Variants in NRXN1 observed in about 807,000 individuals in gnomAD.
NRXN1 encodes neurexin-1.
Under a neutral mutation model 150.9 loss-of-function variants are expected in NRXN1, and 39 were observed. The observed-to-expected ratio is 0.26, with a 90% CI of 0.20 to 0.34. The LOEUF is 0.34. Among genes scored for constraint, NRXN1 ranks in the 10% least tolerant of loss-of-function variants. The probability of loss-of-function intolerance (pLI) is 1.00; values close to 1 mark genes in which losing one functional copy is unlikely to be tolerated. For synonymous variants in NRXN1, 924 were observed against 757.0 expected (o/e 1.22, Z -3.62); for missense variants, 1,815 against 1,949.9 (o/e 0.93, Z 1.30).
intron 21 of NRXN1, among the ~76,000 whole-genome samples, chr2:50,029,620 A>G (rs1432076550): frequency 6.6e-6 from 1 of 152,126 alleles, no homozygotes; most frequent in African/African-American, 2.4e-5. Flanking sequence ...CAAGTCAAGC[A>G]AAGAGGTCTC....
At chr2:50,945,948 AT>A (rs1690308508) in intron 2 of NRXN1, among the ~76,000 whole-genome samples, 1 of 148,720 alleles carries the variant, frequency 6.7e-6, no homozygotes, top group Non-Finnish European at 1.5e-5. Flanking sequence ...TATTATTATT[AT>A]TATTATTATT....
At chr2:50,619,254 C>T (rs1679552936) in intron 8 of NRXN1, 1 of 152,176 alleles carries the variant, frequency 6.6e-6, no homozygotes, top group Non-Finnish European at 1.5e-5. Flanking sequence ...AGAGGAACCT[C>T]TGGTTCCAGT....
chr2:50,487,633 C>T (rs901941420), intron 15 of NRXN1, among the ~76,000 whole-genome samples: 20 of 152,164 alleles, frequency 1.3e-4, no homozygotes, highest in African/African-American at 4.8e-4. Context: ...CCATGTTGAC[C>T]CATGGCTCAA....
At chr2:50,015,866 G>C (rs1374985079) in intron 21 of NRXN1, among the ~76,000 whole-genome samples, 1 of 152,012 alleles carries the variant, frequency 6.6e-6, no homozygotes, top group African/African-American at 2.4e-5. Flanking sequence ...TCTATAAAAT[G>C]GGATAAAACT....
chr2:50,426,340 T>G (rs1049715834), intron 17 of NRXN1, among the ~76,000 whole-genome samples: 3 of 152,228 alleles, frequency 2.0e-5, no homozygotes, highest in African/African-American at 4.8e-5. Context: ...TAGATGACTT[T>G]TATTAATTAA....
intron 21 of NRXN1, among the ~76,000 whole-genome samples, chr2:49,992,428 C>G (rs1162789374): frequency 6.7e-6 from 1 of 148,710 alleles, no homozygotes; most frequent in Non-Finnish European, 1.5e-5. Context: ...AACAAAAAAC[C>G]AATTAGCCAG....
chr2:50,309,113 A>T lies in NRXN1; in HGVS notation c.3365-72143T>A, dbSNP rs141247014. Among the ~76,000 whole-genome samples the T allele has an allele frequency of 3.6e-3, 554 of 152,320 alleles. 4 individuals carry two copies. Among genetic ancestry groups the T allele is most frequent in the African/African-American group, 0.013 (536 of 41,576 alleles). Reference sequence around the variant, plus strand: ...TACTTTACAGCTGAGTATTTGATCCAAGGTTCTTTCCCATTTATAGATTTG... The same window carrying T: ...TACTTTACAGCTGAGTATTTGATCCTAGGTTCTTTCCCATTTATAGATTTG... On this transcript the variant is annotated intron_variant, in intron 17 of 22. Transcript: ENST00000401669.
intron 17 of NRXN1, among the ~76,000 whole-genome samples, chr2:50,464,179 T>C (rs2088562771): frequency 6.6e-6 from 1 of 151,836 alleles, no homozygotes; most frequent in Non-Finnish European, 1.5e-5. Context: ...GTATGATAGT[T>C]TGAATACATG....
rs187532187 is a variant in NRXN1 at position 50,998,718 on chromosome 2, T to C, written c.772+28784A>G. Among the ~76,000 whole-genome samples, 9 of 152,208 alleles carry C rather than the reference T, an allele frequency of 5.9e-5. No individual in the cohort carries two copies. In the East Asian group the frequency reaches 1.6e-3, roughly 26 times the overall value. On this transcript the variant is annotated intron_variant, in intron 2 of 22. Transcript: ENST00000401669. Reference sequence around the variant, plus strand: ...AAATGGTATTGATGACAGAAACATTTTAATCTTTTGTCAGTCAATTATTGA... The same window carrying C: ...AAATGGTATTGATGACAGAAACATTCTAATCTTTTGTCAGTCAATTATTGA...
intron 8 of NRXN1, among the ~76,000 whole-genome samples, chr2:50,564,326 T>C (rs1283233045): frequency 6.6e-6 from 1 of 152,168 alleles, no homozygotes; most frequent in Non-Finnish European, 1.5e-5. Flanking sequence ...AGATCTTAAA[T>C]GGGTAAGAGG....
At chr2:50,803,288 C>T (rs903878004) in intron 5 of NRXN1, among the ~76,000 whole-genome samples, 1 of 152,004 alleles carries the variant, frequency 6.6e-6, no homozygotes, top group Non-Finnish European at 1.5e-5. Context: ...ATCTGAGAAG[C>T]CTTTTCAGAA....
At position 50,380,379 on chromosome 2, in the gene NRXN1, A is replaced by G. The variant is rs375149437; in HGVS notation, c.3364+85063T>C. Among the ~76,000 whole-genome samples the G allele has an allele frequency of 7.2e-5, 11 of 152,112 alleles. No individual in the cohort carries two copies. In the East Asian group the frequency reaches 9.7e-4, roughly 13 times the overall value. On this transcript the variant is annotated intron_variant, in intron 17 of 22. Transcript: ENST00000401669. The stretch of plus-strand genomic sequence containing the variant: ...TATATAACATATCATGACTATCTTA[A>G]CTGTCAAAATGGTCCTAAGGTTTTG...
chr2:50,479,767 CTTTTTTTT>C (rs35301086), intron 15 of NRXN1, among the ~76,000 whole-genome samples: 1 of 79,866 alleles, frequency 1.3e-5, no homozygotes, highest in African/African-American at 5.1e-5. Context: ...ATTTCTTTTT[CTTTTTTTT>C]TTTTTTTTTT....
At chr2:50,265,973 T>C (rs1269585927) in intron 17 of NRXN1, among the ~76,000 whole-genome samples, 2 of 93,278 alleles carry the variant, frequency 2.1e-5, no homozygotes, top group African/African-American at 5.2e-5. Flanking sequence ...TTGTTATTAT[T>C]ATTATTATTA....
chr2:50,034,777 C>T (rs1481458370), intron 21 of NRXN1, among the ~76,000 whole-genome samples: 1 of 151,760 alleles, frequency 6.6e-6, no homozygotes, highest in Non-Finnish European at 1.5e-5. Flanking sequence ...AGATCTGTAC[C>T]CTATTTCTAT....
At chr2:50,122,158 C>T (rs1221072571) in intron 18 of NRXN1, among the ~76,000 whole-genome samples, 2 of 152,140 alleles carry the variant, frequency 1.3e-5, no homozygotes, top group African/African-American at 4.8e-5. Context: ...AAAAAAAATT[C>T]CATTTGTTTA....
In NRXN1 at chr2:50,264,576, C is replaced by T. The variant is rs147215614; in HGVS notation, c.3365-27606G>A. On this transcript the variant is annotated intron_variant, in intron 17 of 22. Transcript: ENST00000401669. Reference sequence around the variant, plus strand: ...TATGTTAAATATATGTATTATATATCTATGTATAATAAATCAATGCAAGAG... The same window carrying T: ...TATGTTAAATATATGTATTATATATTTATGTATAATAAATCAATGCAAGAG... Among the ~76,000 whole-genome samples, 653 of 151,930 alleles carry T rather than the reference C, an allele frequency of 4.3e-3. 7 individuals are homozygous for T. The highest frequency in any genetic ancestry group is 0.015 in the African/African-American group (614 of 41,452).
At chr2:50,703,157 T>C (rs922444151) in intron 5 of NRXN1, among the ~76,000 whole-genome samples, 1 of 152,066 alleles carries the variant, frequency 6.6e-6, no homozygotes, top group Non-Finnish European at 1.5e-5. Context: ...TGATAGAAGC[T>C]AGATCTTCCT....
At chr2:50,631,253 C>A (rs185864126) in intron 5 of NRXN1, 70 of 365,278 alleles carry the variant, frequency 1.9e-4, no homozygotes, top group Admixed American at 6.0e-4. Context: ...AAAATATTCA[C>A]TCTTCAAGAC....
Sources: allele counts gnomAD v4.1 joint callset (sites outside exome capture counted in the v4.1 genomes callset), GRCh38; gene constraint gnomAD v4.1.1; transcripts MANE v1.5; gene names NCBI Gene and HGNC (gene_info 2026-07-23, HGNC 2026-07-21).